Variants in CCDC83 observed in about 807,000 individuals in gnomAD.
The protein encoded by CCDC83 is coiled-coil domain-containing protein 83.
A neutral mutation model predicts 50.1 loss-of-function variants in CCDC83; 54 were observed. That is an observed-to-expected ratio of 1.08 (90% CI 0.87 to 1.35). CCDC83 has a LOEUF of 1.35. CCDC83 is among the 40% of genes most tolerant of loss of function. The probability of loss-of-function intolerance (pLI) is 0.00; values close to 1 mark genes in which losing one functional copy is unlikely to be tolerated. For missense variants in CCDC83, 518 were observed against 473.9 expected (o/e 1.09, Z -0.86); for synonymous variants, 161 against 153.3 (o/e 1.05, Z -0.37).
intron 2 of CCDC83, among the ~76,000 whole-genome samples, chr11:85,870,861 G>A (rs370088308): frequency 6.6e-6 from 1 of 152,252 alleles, no homozygotes; most frequent in South Asian, 2.1e-4. Flanking sequence ...GATCATGAAG[G>A]TGTTGTTCAA....
At chr11:85,915,227 T>C (rs1353898254) in intron 8 of CCDC83, among the ~76,000 whole-genome samples, 192 bp from the exon 9 acceptor site, 1 of 152,230 alleles carries the variant, frequency 6.6e-6, no homozygotes, top group African/African-American at 2.4e-5. Flanking sequence ...TTACCCATCA[T>C]GGTACACACC....
At chr11:85,917,166 G>GAGAGAGAGAGAGAGAGAA (rs756949334) in intron 10 of CCDC83, among the ~76,000 whole-genome samples, 27 of 62,428 alleles carry the variant, frequency 4.3e-4, no homozygotes, top group African/African-American at 1.4e-3. Context: ...GAGAGAGAGA[G>GAGAGAGAGAGAGAGAGAA]AGAAAGAAAG....
At chr11:85,889,558 GC>G (rs1164742204) in intron 5 of CCDC83, among the ~76,000 whole-genome samples, 1 of 152,194 alleles carries the variant, frequency 6.6e-6, no homozygotes, top group Non-Finnish European at 1.5e-5. Context: ...GGTAGCAGCA[GC>G]CACTCCACCA....
At chr11:85,887,092 G>A (rs998615653) in intron 5 of CCDC83, among the ~76,000 whole-genome samples, 3 of 152,258 alleles carry the variant, frequency 2.0e-5, no homozygotes, top group Non-Finnish European at 2.9e-5. Context: ...ATGGAGAAAC[G>A]TCAAAGTCAA....
intron 6 of CCDC83, among the ~76,000 whole-genome samples, chr11:85,898,424 CT>C (rs1285874916): frequency 1.3e-5 from 2 of 152,058 alleles, no homozygotes; most frequent in African/African-American, 4.8e-5. Flanking sequence ...CAAAGTAAGA[CT>C]TTTTTGTCTT....
rs2093453188 is a variant in CCDC83, at chr11:85,911,368, T to C, written c.760T>C (p.Ser254Pro). Residue 254 changes from serine (S) to proline (P), a missense_variant, in exon 8 of 11, where the codon TCC (serine) becomes CCC (proline). Coordinates refer to ENST00000342404, the MANE Select transcript of CCDC83 (RefSeq NM_001286159.2). The stretch of plus-strand genomic sequence containing the variant: ...AAATTTGGTGCTTATTGATCAACTA[T>C]CCAACTGTAGACTTGTGGATCTCAA... ...AENLVLIDQLSNCRLVDLKIP... is the reference protein window; with the variant it reads ...AENLVLIDQLPNCRLVDLKIP... The C allele has an allele frequency of 1.1e-5, 17 of 1,611,276 alleles. No individual in the cohort carries two copies. The highest frequency in any genetic ancestry group is 1.4e-5 in the Non-Finnish European group (17 of 1,178,876).
intron 8 of CCDC83, among the ~76,000 whole-genome samples, chr11:85,915,062 T>C (rs1384587456): frequency 6.6e-6 from 1 of 152,192 alleles, no homozygotes; most frequent in Non-Finnish European, 1.5e-5. Context: ...ATATGGGGAT[T>C]ATGGGAACTA....
intron 1 of CCDC83, among the ~76,000 whole-genome samples, chr11:85,862,779 A>T (rs2093184854): frequency 6.6e-6 from 1 of 152,232 alleles, no homozygotes; most frequent in South Asian, 2.1e-4. Context: ...ATAGCACATT[A>T]TCAAATGCAA....
chr11:85,899,865 T>C (rs138397295), intron 7 of CCDC83, among the ~76,000 whole-genome samples: 3,139 of 152,238 alleles, frequency 0.021, 47 homozygotes, highest in Middle Eastern at 0.058. Flanking sequence ...TTTATTGTAG[T>C]TCAAGATGGT....
At chr11:85,871,657 A>G (rs1043947521) in intron 2 of CCDC83, among the ~76,000 whole-genome samples, 2 of 152,202 alleles carry the variant, frequency 1.3e-5, no homozygotes, top group Non-Finnish European at 2.9e-5. Flanking sequence ...ATGCAGAGCT[A>G]GGTATTTTTA....
intron 6 of CCDC83, among the ~76,000 whole-genome samples, chr11:85,897,778 C>T (rs1011082876): frequency 1.2e-4 from 18 of 152,096 alleles, no homozygotes; most frequent in Non-Finnish European, 1.6e-4. Context: ...TAAAAATTCC[C>T]GGCTCCTAAG....
intron 10 of CCDC83, chr11:85,918,120 T>G (rs1330880686): frequency 1.3e-5 from 2 of 152,228 alleles, no homozygotes; most frequent in African/African-American, 4.8e-5. Context: ...ATTCTTTGAT[T>G]CTTCTAAATT....
At chr11:85,870,428 A>T (rs937425260) in intron 2 of CCDC83, among the ~76,000 whole-genome samples, 1 of 152,262 alleles carries the variant, frequency 6.6e-6, no homozygotes, top group Admixed American at 6.5e-5. Flanking sequence ...AGTAATTTGC[A>T]CATTTGCATA....
intron 7 of CCDC83, among the ~76,000 whole-genome samples, chr11:85,902,871 T>C (rs1263347074): frequency 6.6e-6 from 1 of 152,206 alleles, no homozygotes; most frequent in Non-Finnish European, 1.5e-5. Context: ...GTTTATAGTA[T>C]ATACCTCTGT....
At chr11:85,859,359 C>T (rs565560782) in intron 1 of CCDC83, among the ~76,000 whole-genome samples, 1 of 152,194 alleles carries the variant, frequency 6.6e-6, no homozygotes, top group Non-Finnish European at 1.5e-5. Flanking sequence ...GCCCTAATCA[C>T]CAAATCAACC....
chr11:85,885,205 C>T (rs1222277457), intron 4 of CCDC83, among the ~76,000 whole-genome samples: 4 of 151,656 alleles, frequency 2.6e-5, no homozygotes, highest in African/African-American at 9.7e-5. Flanking sequence ...CAGAGCAAAA[C>T]TCCATCTCAA....
At chr11:85,900,511 A>C (rs1455150078) in intron 7 of CCDC83, among the ~76,000 whole-genome samples, 1 of 152,154 alleles carries the variant, frequency 6.6e-6, no homozygotes, top group Non-Finnish European at 1.5e-5. Flanking sequence ...TCCAGTCCAC[A>C]TTCCCATTCA....
chr11:85,907,690 A>G (rs1470443689), intron 7 of CCDC83, among the ~76,000 whole-genome samples: 1 of 152,148 alleles, frequency 6.6e-6, no homozygotes, highest in Non-Finnish European at 1.5e-5. Context: ...GGTTATGAAA[A>G]AGAAGTAGTT....
At chr11:85,916,875 C>G (rs1020957580) in intron 10 of CCDC83, 3 of 152,376 alleles carry the variant, frequency 2.0e-5, no homozygotes, top group South Asian at 2.1e-4. Flanking sequence ...CTTTGGGAAG[C>G]TGAGGTGGGC....
Sources: gnomAD v4.1 joint callset for allele counts (sites outside exome capture counted in the v4.1 genomes callset) on GRCh38, gnomAD v4.1.1 for gene constraint, MANE v1.5 for transcripts, NCBI Gene and HGNC (gene_info 2026-07-23, HGNC 2026-07-21) for gene names.